Variants in NOD2 observed in about 807,000 individuals in gnomAD.
NOD2 encodes nucleotide binding oligomerization domain containing 2, also known as nucleotide-binding oligomerization domain-containing protein 2.
A neutral mutation model predicts 90.9 loss-of-function variants in NOD2; 86 were observed. That is an observed-to-expected ratio of 0.95 (90% CI 0.79 to 1.13). NOD2 has a LOEUF of 1.13. Among genes scored for constraint, NOD2 ranks in the 50% most tolerant of loss-of-function variants. The probability of loss-of-function intolerance (pLI) is 0.00; values close to 1 mark genes in which losing one functional copy is unlikely to be tolerated. For missense variants in NOD2, 1,238 were observed against 1,283.8 expected (o/e 0.96, Z 0.55); for synonymous variants, 581 against 554.6 (o/e 1.05, Z -0.67).
At chr16:50,700,289 A>AT (rs879701215) in intron 2 of NOD2, among the ~76,000 whole-genome samples, 31 of 147,794 alleles carry the variant, frequency 2.1e-4, no homozygotes, top group South Asian at 2.1e-4. Flanking sequence ...TGAACAGCTA[A>AT]TTTTTTTTTT....
chr16:50,723,464 T>C, intron 9 of NOD2, 80 bp downstream of exon 9: 1 of 1,262,840 alleles, frequency 7.9e-7, no homozygotes, highest in Non-Finnish European at 1.2e-6. Context: ...TAGGAGCGGT[T>C]GTGTGGACAG....
chr16:50,716,514 T>C (rs1964799444), intron 4 of NOD2, 73 bp from the exon 5 acceptor site: 5 of 1,372,174 alleles, frequency 3.6e-6, no homozygotes, highest in South Asian at 2.4e-5. Context: ...ATGAAAGTCT[T>C]TTTGGGGGAT....
intron 10 of NOD2, 94 bp downstream of exon 10, chr16:50,725,666 A>T: frequency 2.1e-6 from 2 of 965,790 alleles, no homozygotes; most frequent in Non-Finnish European, 3.4e-6. Flanking sequence ...CGCTGGGCTA[A>T]CTCATGTGAG....
chr16:50,716,728 C>G (rs1387170825), intron 5 of NOD2, 58 bp downstream of exon 5: 1 of 1,555,364 alleles, frequency 6.4e-7, no homozygotes, highest in Non-Finnish European at 8.9e-7. Context: ...CACCCCAGGT[C>G]GTGCAGCCTG....
intron 7 of NOD2, among the ~76,000 whole-genome samples, chr16:50,720,490 A>G (rs1254574270): frequency 6.6e-6 from 1 of 152,170 alleles, no homozygotes; most frequent in African/African-American, 2.4e-5. Context: ...GGCACCCAGG[A>G]TAAGAGGGGC....
At chr16:50,730,923 G>T (rs74457704) in intron 11 of NOD2, among the ~76,000 whole-genome samples, 10 of 152,320 alleles carry the variant, frequency 6.6e-5, no homozygotes, top group Admixed American at 6.5e-4. Context: ...GCTTTGCTGG[G>T]CGTGGCAGCT....
At position 50,699,883 on chromosome 16, in the gene NOD2, T is replaced by C. The variant is rs104895420; in HGVS notation, c.388T>C (p.Trp130Arg). ...SHVENMLDLA[W>R]ERGFVSQYEC... is the part of the protein sequence containing the mutation. ...TGTGGAGAACATGCTGGACCTGGCA[T>C]GGGAGCGGGGTTTCGTCAGCCAGTA... Residue 130 changes from tryptophan (W) to arginine (R), a missense_variant, in exon 2 of 12, where the codon TGG becomes CGG. By Grantham distance (101) the Trp-to-Arg change is moderately radical (BLOSUM62 -3). This residue lies in a region of NOD2 where 567 missense variants were observed against 577.3 expected (regional missense o/e 0.98). Transcript: ENST00000647318. The C allele has an allele frequency of 5.1e-5, 83 of 1,613,028 alleles. No homozygotes were observed. Among genetic ancestry groups the C allele is most frequent in the Admixed American group, 8.3e-5 (5 of 60,004 alleles).
intron 10 of NOD2, chr16:50,728,222 A>G (rs114196027): frequency 0.012 from 3,056 of 248,350 alleles, 75 homozygotes; most frequent in African/African-American, 0.06. Flanking sequence ...ATTGCTCTCA[A>G]TTGGTCATTG....
chr16:50,696,025 G>C (rs1963630854), intron 1 of NOD2, among the ~76,000 whole-genome samples: 1 of 151,982 alleles, frequency 6.6e-6, no homozygotes, highest in African/African-American at 2.4e-5. Flanking sequence ...GTGCACTGGT[G>C]GGGGGATTTG....
At chr16:50,720,724 A>G (rs1965015811) in intron 7 of NOD2, among the ~76,000 whole-genome samples, 4 of 152,202 alleles carry the variant, frequency 2.6e-5, no homozygotes, top group Admixed American at 2.6e-4. Flanking sequence ...CTGGGACTGT[A>G]GGAAGAGAGA....
chr16:50,731,392 G>A (rs1464652386), intron 11 of NOD2, among the ~76,000 whole-genome samples: 4 of 152,194 alleles, frequency 2.6e-5, no homozygotes, highest in Admixed American at 1.3e-4. Context: ...GGGGTCTGAT[G>A]TTATTTGCTG....
At position 50,697,734 on chromosome 16, in the gene NOD2, C is replaced by G. The variant is rs371916256; in HGVS notation, c.-8-1754C>G. ...GGGGTACACCCTCTCTCCCAAGCAG[C>G]CAGACACACAAGTAACCTCATTGCC... On this transcript the variant is annotated intron_variant, in intron 1 of 11. Transcript: ENST00000647318. 78 of 316,666 alleles carry G rather than the reference C, an allele frequency of 2.5e-4. No homozygotes were observed. In the East Asian group the frequency reaches 4.1e-3, roughly 17 times the overall value. The allele number at this position is 316,666 out of a possible 1,614,324, so 19.6% of individuals were successfully genotyped here. A position where few individuals can be genotyped will look rare whatever the true frequency, so the allele number is the denominator to read the frequency against.
intron 6 of NOD2, among the ~76,000 whole-genome samples, chr16:50,719,501 C>A (rs1379658054): frequency 6.6e-6 from 1 of 152,134 alleles, no homozygotes; most frequent in Non-Finnish European, 1.5e-5. Context: ...TGGACCTGCC[C>A]AGCGCTCTTG....
chr16:50,709,395 T>A (rs1274366981), intron 3 of NOD2, among the ~76,000 whole-genome samples: 1 of 152,194 alleles, frequency 6.6e-6, no homozygotes, highest in Non-Finnish European at 1.5e-5. Context: ...CGGGGGACCA[T>A]GCCAAGCTCC....
At position 50,711,704 on chromosome 16, in the gene NOD2, C is replaced by G; in HGVS notation, c.1712C>G (p.Pro571Arg). The G allele has an allele frequency of 6.2e-7, 1 of 1,614,040 alleles. No homozygotes were observed. Among genetic ancestry groups the G allele is most frequent in the South Asian group, 1.1e-5 (1 of 91,074 alleles). The change falls in exon 4 of 12, where the codon CCC becomes CGC. Residue 571 changes from proline to arginine, a missense_variant. Transcript: ENST00000647318. Reference sequence around the variant, plus strand: ...GGTGTCGTGCCAGGGAGTACGGCGCCCCTGGAATTCCTTCACATCACTTTC... The same window carrying G: ...GGTGTCGTGCCAGGGAGTACGGCGCGCCTGGAATTCCTTCACATCACTTTC... ...AKGVVPGSTAPLEFLHITFQC... is the reference protein window; with the variant it reads ...AKGVVPGSTARLEFLHITFQC...
intron 2 of NOD2, among the ~76,000 whole-genome samples, chr16:50,703,192 A>G (rs1375206956): frequency 1.3e-5 from 2 of 152,232 alleles, no homozygotes; most frequent in East Asian, 1.9e-4. Flanking sequence ...TTTAACTGCA[A>G]CTGCTAGAGG....
chr16:50,706,663 GA>G, intron 2 of NOD2, among the ~76,000 whole-genome samples: 1 of 151,626 alleles, frequency 6.6e-6, no homozygotes, highest in East Asian at 1.9e-4. Flanking sequence ...GACTTAATAT[GA>G]AAGAAAGAAT....
At chr16:50,697,644 AAGG>A in intron 1 of NOD2, 3 of 402,480 alleles carry the variant, frequency 7.5e-6, no homozygotes, top group Admixed American at 3.6e-5. Flanking sequence ...ATGTGGGCAC[AAGG>A]AGGAGAACTC....
intron 6 of NOD2, among the ~76,000 whole-genome samples, chr16:50,717,978 G>A (rs1964875310): frequency 6.6e-6 from 1 of 152,218 alleles, no homozygotes; most frequent in Non-Finnish European, 1.5e-5. Flanking sequence ...CTACACACCT[G>A]CAATAAAGTG....
Sources: allele counts gnomAD v4.1 joint callset (sites outside exome capture counted in the v4.1 genomes callset), GRCh38; gene constraint gnomAD v4.1.1; regional missense constraint gnomAD v4.1.1; transcripts MANE v1.5; gene names NCBI Gene and HGNC (gene_info 2026-07-23, HGNC 2026-07-21).